MRPL44: variants seen among roughly 807,000 people sequenced by gnomAD.
MRPL44 encodes the protein large ribosomal subunit protein mL44.
MRPL44 carries 21 observed loss-of-function variants against 25.9 expected under a neutral mutation model. The observed-to-expected ratio is 0.81, with a 90% CI of 0.58 to 1.17. MRPL44 has a LOEUF of 1.17. Ranked by LOEUF, MRPL44 falls within the 50% of genes most tolerant of loss-of-function variation. The pLI is 0.00. For missense variants in MRPL44, 410 were observed against 398.9 expected (o/e 1.03, Z -0.24); for synonymous variants, 169 against 151.0 (o/e 1.12, Z -0.87).
At chr2:223,962,802 A>G (rs945018916) in intron 2 of MRPL44, among the ~76,000 whole-genome samples, 1 of 152,106 alleles carries the variant, frequency 6.6e-6, no homozygotes, top group Non-Finnish European at 1.5e-5. Context: ...CCCAGGTTCA[A>G]GCAATTCTTG....
chr2:223,959,372 C>G (rs1389394502), intron 1 of MRPL44, among the ~76,000 whole-genome samples, 162 bp from the exon 2 acceptor site: 1 of 152,124 alleles, frequency 6.6e-6, no homozygotes, highest in African/African-American at 2.4e-5. Flanking sequence ...ATTTATCTGA[C>G]TTTAGTCTTA....
At chr2:223,962,348 G>A (rs1337800298) in intron 2 of MRPL44, among the ~76,000 whole-genome samples, 2 of 152,080 alleles carry the variant, frequency 1.3e-5, no homozygotes, top group African/African-American at 4.8e-5. Flanking sequence ...TATTAATGAA[G>A]CTGAAAGTGT....
At chr2:223,961,642 G>A (rs758673070) in intron 2 of MRPL44, among the ~76,000 whole-genome samples, 1 of 152,162 alleles carries the variant, frequency 6.6e-6, no homozygotes, top group Non-Finnish European at 1.5e-5. Context: ...CTTGTGTAGC[G>A]ACAGCTGGAG....
At chr2:223,951,496 T>C in the MRPL44 span, among the ~76,000 whole-genome samples, 3 of 149,008 alleles carry the variant, frequency 2.0e-5, no homozygotes, top group Admixed American at 1.3e-4. Context: ...TTTTTTTTTT[T>C]TCAGACAGAG....
At chr2:223,965,039 T>C (rs1235635837) in intron 3 of MRPL44, among the ~76,000 whole-genome samples, 3 of 152,092 alleles carry the variant, frequency 2.0e-5, no homozygotes, top group Admixed American at 1.3e-4. Flanking sequence ...GAATGATCTT[T>C]TATCTAAAAA....
At chr2:223,961,670 T>C (rs1171500191) in intron 2 of MRPL44, among the ~76,000 whole-genome samples, 2 of 151,466 alleles carry the variant, frequency 1.3e-5, no homozygotes, top group Admixed American at 6.6e-5. Flanking sequence ...AAGTGGGAGG[T>C]TTTTAATGAT....
upstream of MRPL44, chr2:223,957,387 C>T (rs1689581737): frequency 6.4e-7 from 1 of 1,554,526 alleles, no homozygotes; most frequent in Non-Finnish European, 8.9e-7. Context: ...TCTTCGCGTT[C>T]CGCGTTCCGG....
rs1470771518 is a variant in MRPL44 at position 223,967,680 on chromosome 2, T to G, written c.*646T>G. 1 of 152,206 alleles carries G rather than the reference T, an allele frequency of 6.6e-6. No homozygotes were observed. Among genetic ancestry groups the G allele is most frequent in the Non-Finnish European group, 1.5e-5 (1 of 68,030 alleles). 9.4% of individuals were successfully genotyped at this position (152,206 alleles called of 1,614,324 possible). A position where few individuals can be genotyped will look rare whatever the true frequency, so the allele number is the denominator to read the frequency against. On this transcript the variant is annotated 3_prime_UTR_variant, in exon 4 of 4. Transcript: ENST00000258383. ...TGTATCTTATGTGAATTTTTTGCTGTAATACCAATAAAGTTTTTTTTCTCC... is the reference window on the plus strand; with the variant it reads ...TGTATCTTATGTGAATTTTTTGCTGGAATACCAATAAAGTTTTTTTTCTCC...
intron 2 of MRPL44, among the ~76,000 whole-genome samples, chr2:223,960,290 A>G (rs191771360): frequency 6.6e-6 from 1 of 152,290 alleles, no homozygotes; most frequent in Admixed American, 6.5e-5. Flanking sequence ...CATGAGAGAT[A>G]CTCAGTAGAT....
chr2:223,958,989 A>G (rs552717458), intron 1 of MRPL44, among the ~76,000 whole-genome samples: 2 of 152,364 alleles, frequency 1.3e-5, no homozygotes, highest in South Asian at 4.1e-4. Context: ...ATAAAATGCA[A>G]TAAATCTGTG....
At chr2:223,960,242 C>G (rs1689637330) in intron 2 of MRPL44, among the ~76,000 whole-genome samples, 1 of 152,130 alleles carries the variant, frequency 6.6e-6, no homozygotes, top group African/African-American at 2.4e-5. Context: ...GCCATATCAT[C>G]TTTAAGTTTA....
chr2:223,954,706 C>A (rs146364228), upstream of MRPL44, among the ~76,000 whole-genome samples: 1 of 152,254 alleles, frequency 6.6e-6, no homozygotes, highest in Non-Finnish European at 1.5e-5. Context: ...AGGTATCTGA[C>A]CAAAATGGAA....
upstream of MRPL44, among the ~76,000 whole-genome samples, chr2:223,956,245 T>G (rs891381963): frequency 6.6e-6 from 1 of 152,176 alleles, no homozygotes; most frequent in Non-Finnish European, 1.5e-5. Flanking sequence ...ATCAGTTTGT[T>G]TTTTGGTGTG....
In MRPL44 at chr2:223,967,116, A is replaced by G. The variant is rs1054392596; in HGVS notation, c.*82A>G. ...GTGTTTCAAGCCAGACATTTTCACA[A>G]TTGTGAAGAAATAGATGTTTTGTTT... On this transcript the variant is annotated 3_prime_UTR_variant, in exon 4 of 4. Transcript: ENST00000258383. The G allele has an allele frequency of 1.5e-5, 20 of 1,297,560 alleles. No individual in the cohort carries two copies. The highest frequency in any genetic ancestry group is 8.5e-5 in the South Asian group (5 of 59,142). The allele number at this position is 1,297,560 out of a possible 1,614,324, so 80.4% of individuals were successfully genotyped here. A position where few individuals can be genotyped will look rare whatever the true frequency, so the allele number is the denominator to read the frequency against.
intron 3 of MRPL44, among the ~76,000 whole-genome samples, chr2:223,966,343 A>G (rs548508055): frequency 2.3e-4 from 35 of 152,294 alleles, no homozygotes; most frequent in Middle Eastern, 3.4e-3. Context: ...TAAATGACAG[A>G]CTCAAAAGGC....
intron 2 of MRPL44, among the ~76,000 whole-genome samples, chr2:223,960,240 A>G (rs1689637271): frequency 2.0e-5 from 3 of 152,164 alleles, no homozygotes; most frequent in South Asian, 2.1e-4. Flanking sequence ...AAGCCATATC[A>G]TCTTTAAGTT....
chr2:223,957,676 C>G (rs1331969680), intron 1 of MRPL44, 25 bp downstream of exon 1: 1 of 1,590,126 alleles, frequency 6.3e-7, no homozygotes, highest in African/African-American at 1.3e-5. Flanking sequence ...GGGAAGAGGT[C>G]TCAGGGTGGC....
Position 223,957,489 on chromosome 2 carries a change from T to C in MRPL44, c.17T>C (p.Val6Ala), listed in dbSNP as rs750835773. Reference sequence around the variant, plus strand: ...TCTCGTGCAATGGCGTCCGGGCTGGTAAGATTGCTGCAGCAGGGACATCGC... The same window carrying C: ...TCTCGTGCAATGGCGTCCGGGCTGGCAAGATTGCTGCAGCAGGGACATCGC... MASGLVRLLQQGHRCL... is the reference protein window; with the variant it reads MASGLARLLQQGHRCL... The change falls in exon 1 of 4, where the codon GTA (valine) becomes GCA (alanine). Residue 6 changes from valine to alanine, a missense_variant. Transcript: ENST00000258383. 16 of 1,614,022 alleles carry C rather than the reference T, an allele frequency of 9.9e-6. No individual in the cohort carries two copies. In the South Asian group the frequency reaches 1.6e-4, roughly 17 times the overall value.
At position 223,959,584 on chromosome 2, in the gene MRPL44, A is replaced by G. The variant is rs776054995; in HGVS notation, c.230A>G (p.His77Arg). Residue 77 changes from histidine (H) to arginine (R), a missense_variant, in exon 2 of 4, where the codon CAT becomes CGT. His to Arg is a conservative substitution (Grantham distance 29, BLOSUM62 0). Coordinates refer to ENST00000258383, the MANE Select transcript of MRPL44 (RefSeq NM_022915.5). The stretch of plus-strand genomic sequence containing the variant: ...CATGCAGAAATACAAGCTTTTGGAC[A>G]TCGGTTACAGGAAAACTTTTCCTTA... ...DYHAEIQAFG[H>R]RLQENFSLDL... 21 of 1,613,714 alleles carry G rather than the reference A, an allele frequency of 1.3e-5. No individual in the cohort carries two copies. The highest frequency in any genetic ancestry group is 1.8e-5 in the Non-Finnish European group (21 of 1,179,930).
Sources: gnomAD v4.1 joint callset for allele counts (sites outside exome capture counted in the v4.1 genomes callset) on GRCh38, gnomAD v4.1.1 for gene constraint, MANE v1.5 for transcripts, NCBI Gene and HGNC (gene_info 2026-07-23, HGNC 2026-07-21) for gene names.